The following CLCN5 variants were observed in gnomAD, a reference collection of about 807,000 sequenced individuals.
CLCN5 encodes Cl-/H+ antiporter 5, also known as H(+)/Cl(-) exchange transporter 5.
CLCN5 carries 17 observed loss-of-function variants against 54.0 expected under a neutral mutation model. The observed-to-expected ratio is 0.31, with a 90% CI of 0.22 to 0.47. The LOEUF is 0.47. CLCN5 is among the 20% of genes least tolerant of loss of function. The pLI, the probability that CLCN5 is intolerant of heterozygous loss-of-function variation, is 1.00. For missense variants in CLCN5, 448 were observed against 646.7 expected, an observed-to-expected ratio of 0.69 and a Z score of 3.33; for synonymous variants, 222 against 233.0, an observed-to-expected ratio of 0.95 and a Z score of 0.43.
chrX:50,009,071 C>A (rs368034272), intron 3 of CLCN5: 3 of 318,451 alleles, frequency 9.4e-6, no homozygotes, highest in Non-Finnish European at 1.9e-5. Flanking sequence ...AACAACCTGT[C>A]CCCTTCTTTC....
chrX:49,994,384 G>A (rs1419822776), intron 3 of CLCN5, among the ~76,000 whole-genome samples: 1 of 110,680 alleles, frequency 9.0e-6, no homozygotes, highest in African/African-American at 3.3e-5. Flanking sequence ...GGAACCTTGA[G>A]GAAGGAAGAA....
chrX:50,006,878 A>G (rs1930173734), intron 3 of CLCN5, among the ~76,000 whole-genome samples: 1 of 111,757 alleles, frequency 8.9e-6, no homozygotes, highest in Non-Finnish European at 1.9e-5. Context: ...GCTAGCACAT[A>G]TAGGAGGATA....
intron 4 of CLCN5, among the ~76,000 whole-genome samples, chrX:50,059,100 A>G (rs1451229451): frequency 8.9e-6 from 1 of 112,066 alleles, no homozygotes; most frequent in African/African-American, 3.2e-5. Flanking sequence ...ATGCTAAGAA[A>G]AGAAACCAGC....
chrX:50,006,587 A>G, intron 3 of CLCN5, among the ~76,000 whole-genome samples: 1 of 111,753 alleles, frequency 8.9e-6, no homozygotes, highest in African/African-American at 3.3e-5. Context: ...AAGGGGCTGG[A>G]AAAGGGGAGC....
chrX:49,957,189 A>G (rs965192543), intron 3 of CLCN5, among the ~76,000 whole-genome samples: 1 of 110,967 alleles, frequency 9.0e-6, no homozygotes, highest in Non-Finnish European at 1.9e-5. Context: ...AATCCCAGCT[A>G]CTCGGGAGGC....
chrX:50,028,087 A>G (rs1386824446), intron 3 of CLCN5, among the ~76,000 whole-genome samples: 1 of 111,948 alleles, frequency 8.9e-6, no homozygotes, highest in African/African-American at 3.2e-5. Flanking sequence ...ATTAGGTTTC[A>G]GTTTTTTAGT....
At chrX:49,927,932 C>CATG (rs1161041834) in intron 3 of CLCN5, among the ~76,000 whole-genome samples, 4 of 112,097 alleles carry the variant, frequency 3.6e-5, no homozygotes, top group African/African-American at 1.3e-4. Flanking sequence ...CATATTCTCA[C>CATG]TCATATGTGG....
intron 13 of CLCN5, 72 bp from the exon 14 acceptor site, chrX:50,090,598 G>T (rs1285273659): frequency 5.7e-5 from 65 of 1,148,003 alleles, no homozygotes; most frequent in Non-Finnish European, 6.5e-5. Flanking sequence ...GGGAAGGGGG[G>T]ACTGGTTAGG....
chrX:49,925,124 A>AGTG, intron 2 of CLCN5, 47 bp from the exon 3 acceptor site: 2 of 515,475 alleles, frequency 3.9e-6, no homozygotes, highest in East Asian at 7.0e-5. Flanking sequence ...AAGCATTTGA[A>AGTG]GTGTATAGTT....
At chrX:49,925,438 C>T in intron 3 of CLCN5, 124 bp downstream of exon 3, 2 of 672,918 alleles carry the variant, frequency 3.0e-6, no homozygotes, top group Non-Finnish European at 4.8e-6. Context: ...AACCCTTTGT[C>T]TTTGCAGGGA....
At chrX:50,007,417 CTCTCTCTCTCTCTCTCTCTCTG>C (rs1930232794) in intron 3 of CLCN5, among the ~76,000 whole-genome samples, 1 of 93,212 alleles carries the variant, frequency 1.1e-5, no homozygotes, top group African/African-American at 5.7e-5. Flanking sequence ...CTCTCTCTCT[CTCTCTCTCTCTCTCTCTCTCTG>C]TCACACACAC....
At chrX:50,051,625 T>C (rs1932590768) in intron 4 of CLCN5, among the ~76,000 whole-genome samples, 1 of 112,299 alleles carries the variant, frequency 8.9e-6, no homozygotes, top group Non-Finnish European at 1.9e-5. Flanking sequence ...ATCTCAATAA[T>C]ACTGAGTTTT....
rs1325033263 is a variant in CLCN5, at chrX:50,032,863, T to G, written c.17-9453T>G. Among the ~76,000 whole-genome samples the G allele has an allele frequency of 3.9e-3, 429 of 110,451 alleles. 5 individuals are homozygous for G. Among genetic ancestry groups the G allele is most frequent in the Non-Finnish European group, 6.8e-3 (361 of 52,999 alleles). ...GTTTTTATGGTTTTAGGTCTAACGT[T>G]TAAGTCTTTAATCCATCTTGAATTA... On this transcript the variant is annotated intron_variant, in intron 3 of 14. Transcript: ENST00000376091.
At chrX:50,013,695 A>G (rs1557183032) in intron 3 of CLCN5, among the ~76,000 whole-genome samples, 1 of 112,279 alleles carries the variant, frequency 8.9e-6, no homozygotes, top group African/African-American at 3.2e-5. Flanking sequence ...CCTGGTGTGC[A>G]GGTGCCTGGA....
At chrX:50,030,577 T>C (rs1194257669) in intron 3 of CLCN5, among the ~76,000 whole-genome samples, 1 of 111,988 alleles carries the variant, frequency 8.9e-6, no homozygotes, top group Admixed American at 9.5e-5. Context: ...TTAAATATAA[T>C]TGGCAACAAG....
At chrX:50,034,109 A>AT (rs1288969742) in intron 3 of CLCN5, among the ~76,000 whole-genome samples, 3 of 112,367 alleles carry the variant, frequency 2.7e-5, no homozygotes, top group African/African-American at 9.7e-5. Context: ...GCACTCAGAG[A>AT]TTAACATGCA....
chrX:49,956,761 CCTTT>C (rs1427541055), intron 3 of CLCN5, among the ~76,000 whole-genome samples: 3 of 111,844 alleles, frequency 2.7e-5, no homozygotes, highest in East Asian at 5.6e-4. Flanking sequence ...TCTAACTTGT[CCTTT>C]CTATCTGCCA....
At chrX:50,069,207 G>T (rs1933142034) in intron 4 of CLCN5, among the ~76,000 whole-genome samples, 1 of 112,013 alleles carries the variant, frequency 8.9e-6, no homozygotes, top group Non-Finnish European at 1.9e-5. Context: ...ACTATGATGG[G>T]TGGGCAGGTG....
chrX:49,953,065 A>G (rs1223829656), intron 3 of CLCN5, among the ~76,000 whole-genome samples: 1 of 110,806 alleles, frequency 9.0e-6, no homozygotes, highest in Non-Finnish European at 1.9e-5. Context: ...TTGTATTTGT[A>G]GTAGAGACAG....
Sources: gnomAD v4.1 joint callset for allele counts (sites outside exome capture counted in the v4.1 genomes callset) on GRCh38, gnomAD v4.1.1 for gene constraint, MANE v1.5 for transcripts, NCBI Gene and HGNC (gene_info 2026-07-23, HGNC 2026-07-21) for gene names.